Variants in MAX observed in about 807,000 individuals in gnomAD.
The protein encoded by MAX is MYC associated transcriptional regulator X, also known as protein max.
A neutral mutation model predicts 22.3 loss-of-function variants in MAX; 3 were observed. The ratio of observed to expected loss-of-function variants is 0.13; its 90% CI spans 0.06 to 0.35. The LOEUF (loss-of-function observed/expected upper bound fraction) is 0.35, where lower values mean the gene tolerates loss of function less well. Among genes scored for constraint, MAX ranks in the 10% least tolerant of loss-of-function variants. MAX has a pLI of 1.00. For missense variants in MAX, 119 were observed against 209.4 expected (o/e 0.57, Z 2.66); for synonymous variants, 72 against 77.7 (o/e 0.93, Z 0.39).
intron 3 of MAX, among the ~76,000 whole-genome samples, chr14:65,050,715 C>T (rs2062587719): frequency 6.6e-6 from 1 of 152,216 alleles, no homozygotes; most frequent in Admixed American, 6.5e-5. Flanking sequence ...TTGACAGCTC[C>T]TGCAGAGCAG....
At chr14:65,086,094 G>A (rs750272804) in intron 3 of MAX, among the ~76,000 whole-genome samples, 16 of 152,088 alleles carry the variant, frequency 1.1e-4, no homozygotes, top group African/African-American at 3.4e-4. Flanking sequence ...AGTTCTCTTC[G>A]CCTGCTGCCA....
rs2062433931 is a variant in MAX, at chr14:65,044,627, G to C, written c.172-38343C>G. 1.1e-6 allele frequency: 1 copy of C among 875,748 alleles called. No homozygotes were observed. The allele number at this position is 875,748 out of a possible 1,614,324, so 54.2% of individuals were successfully genotyped here. A position where few individuals can be genotyped will look rare whatever the true frequency, so the allele number is the denominator to read the frequency against. ...ATGCAGAGTAAGATTTAGTTTCATTGGTTTAGTGTCATTCTTTGCTTCTTC... is the reference window on the plus strand; with the variant it reads ...ATGCAGAGTAAGATTTAGTTTCATTCGTTTAGTGTCATTCTTTGCTTCTTC... On this transcript the variant is annotated intron_variant, in intron 3 of 3. Transcript: ENST00000341653. This position sits in a 1 kb window ranked among gnomAD's most constrained non-coding sequence, Gnocchi z 5.5.
chr14:65,073,087 G>A (rs1414360564), downstream of MAX, among the ~76,000 whole-genome samples: 2 of 152,168 alleles, frequency 1.3e-5, no homozygotes, highest in African/African-American at 2.4e-5. Flanking sequence ...TGGTCCTGAG[G>A]TCAAGCACAT....
chr14:65,032,047 C>G lies in MAX; in HGVS notation c.172-25763G>C, dbSNP rs1226651374. On this transcript the variant is annotated intron_variant, in intron 3 of 3. Coordinates refer to the MAX transcript ENST00000341653. This position sits in a 1 kb window ranked among gnomAD's most constrained non-coding sequence, Gnocchi z 5.0. The stretch of plus-strand genomic sequence containing the variant: ...TGGTGAGAGGTTTGAAATCAAGGCT[C>G]TTTTCTCCCTCTAGAGGTTTAAGGA... Among the ~76,000 whole-genome samples the G allele has an allele frequency of 2.0e-5, 3 of 150,118 alleles. No individual in the cohort carries two copies. Among genetic ancestry groups the G allele is most frequent in the African/African-American group, 7.5e-5 (3 of 40,180 alleles).
At chr14:65,053,609 A>G (rs1028772108) in intron 3 of MAX, among the ~76,000 whole-genome samples, 10 of 130,244 alleles carry the variant, frequency 7.7e-5, no homozygotes, top group African/African-American at 3.9e-4. Flanking sequence ...TGCTGGGTAG[A>G]TAACTCTTCT....
chr14:65,015,410 CTTTTTTTTTT>C (rs888923691), intron 3 of MAX: 3 of 155,206 alleles, frequency 1.9e-5, no homozygotes, highest in African/African-American at 3.1e-5. Flanking sequence ...GCCTTGTTAT[CTTTTTTTTTT>C]TTTTTTTTTT....
At chr14:65,021,235 C>T (rs574535403) in intron 3 of MAX, among the ~76,000 whole-genome samples, 6 of 152,300 alleles carry the variant, frequency 3.9e-5, no homozygotes, top group South Asian at 4.2e-4. Context: ...GGGAGACCAT[C>T]GCACTGTTAA....
Position 65,032,454 on chromosome 14 carries a change from C to T in MAX, c.172-26170G>A. ...TATCCAAATAGAATGTCACACCTCT[C>T]AGTTGGAGACCCAGGAGGACTGACC... On this transcript the variant is annotated intron_variant, in intron 3 of 3. Coordinates refer to the MAX transcript ENST00000341653. This position sits in a 1 kb window ranked among gnomAD's most constrained non-coding sequence, Gnocchi z 5.0. 1 of 613,282 alleles carries T rather than the reference C, an allele frequency of 1.6e-6. No individual in the cohort carries two copies. Among genetic ancestry groups the T allele is most frequent in the Non-Finnish European group, 2.7e-6 (1 of 377,042 alleles). The allele number at this position is 613,282 out of a possible 1,614,324, so 38.0% of individuals were successfully genotyped here.
chr14:65,018,848 C>T (rs1481978736), intron 3 of MAX, among the ~76,000 whole-genome samples: 1 of 149,734 alleles, frequency 6.7e-6, no homozygotes, highest in East Asian at 2.0e-4. Flanking sequence ...CGGTGGCTCA[C>T]ACCTGTAATC....
intron 3 of MAX, among the ~76,000 whole-genome samples, chr14:65,092,632 A>G (rs2063541771): frequency 6.6e-6 from 1 of 152,216 alleles, no homozygotes; most frequent in Non-Finnish European, 1.5e-5. Flanking sequence ...CCAGGTATGT[A>G]CATGGCCTGT....
intron 3 of MAX, among the ~76,000 whole-genome samples, chr14:65,065,324 T>G (rs1225180583): frequency 6.6e-6 from 1 of 152,180 alleles, no homozygotes; most frequent in African/African-American, 2.4e-5. Flanking sequence ...TTCAGTTATA[T>G]GAGACAATGT....
At position 65,076,371 on chromosome 14, in the gene MAX, A is replaced by C; in HGVS notation, c.*105T>G. The C allele has an allele frequency of 6.4e-7, 1 of 1,567,180 alleles. No homozygotes were observed. The highest frequency in any genetic ancestry group is 8.6e-7 in the Non-Finnish European group (1 of 1,158,410). ...TTAAAAAAAAAAGGGAGAAAGAGAA[A>C]AATAAAGAGTCTCTTAAATGGTTCT... On this transcript the variant is annotated 3_prime_UTR_variant, in exon 5 of 5. Coordinates refer to ENST00000358664, the MANE Select transcript of MAX (RefSeq NM_002382.5). The surrounding 1 kb of genome is among the most constrained non-coding windows in gnomAD (Gnocchi z 6.6).
Position 65,034,754 on chromosome 14 carries a change from A to T in MAX, c.172-28470T>A, listed in dbSNP as rs374308190. Among the ~76,000 whole-genome samples, 3 of 152,140 alleles carry T rather than the reference A, an allele frequency of 2.0e-5. No homozygotes were observed. In the East Asian group the frequency reaches 5.8e-4, roughly 29 times the overall value. ...AGTATGGAATTATAATGTCTGCTTT[A>T]AATTGCTTGTCTGGGAATTTCCACA... On this transcript the variant is annotated intron_variant, in intron 3 of 3. Coordinates refer to the MAX transcript ENST00000341653.
chr14:65,084,851 T>C lies in MAX; in HGVS notation c.172-6815A>G, dbSNP rs187576022. Among the ~76,000 whole-genome samples the C allele has an allele frequency of 2.0e-5, 3 of 152,354 alleles. No individual in the cohort carries two copies. In the East Asian group the frequency reaches 5.8e-4, roughly 29 times the overall value. ...GATAACACTATATTTCCTTGCTTGT[T>C]AGACTCCATCAATAAATCCATGGAT... On this transcript the variant is annotated intron_variant, in intron 3 of 4. Transcript: ENST00000358664. This position sits in a 1 kb window ranked among gnomAD's most constrained non-coding sequence, Gnocchi z 4.3.
chr14:65,013,144 T>C (rs1356898107), intron 3 of MAX, among the ~76,000 whole-genome samples: 1 of 152,124 alleles, frequency 6.6e-6, no homozygotes, highest in African/African-American at 2.4e-5. Flanking sequence ...CCACATTTGA[T>C]TATTTGTGGC....
intron 3 of MAX, chr14:65,040,974 T>G: frequency 3.8e-6 from 6 of 1,597,118 alleles, no homozygotes; most frequent in Non-Finnish European, 5.1e-6. Flanking sequence ...GTGATGTGAT[T>G]GTACTCAGAC....
In MAX at chr14:65,088,515, G is replaced by C. The variant is rs2063406008; in HGVS notation, c.171+5193C>G. On this transcript the variant is annotated intron_variant, in intron 3 of 4. Coordinates refer to ENST00000358664, the MANE Select transcript of MAX (RefSeq NM_002382.5). The surrounding 1 kb of genome is among the most constrained non-coding windows in gnomAD (Gnocchi z 5.2). ...ATGAGGAGAAGTGGATAGGGCTATAGTTTACATTTCATTTAAACGACAATC... is the reference window on the plus strand; with the variant it reads ...ATGAGGAGAAGTGGATAGGGCTATACTTTACATTTCATTTAAACGACAATC... 6.6e-6 allele frequency among the ~76,000 whole-genome samples: 1 copy of C among 152,164 alleles called. No homozygotes were observed. Among genetic ancestry groups the C allele is most frequent in the Non-Finnish European group, 1.5e-5 (1 of 68,028 alleles).
intron 3 of MAX, among the ~76,000 whole-genome samples, chr14:65,068,584 A>G (rs1046971356): frequency 3.3e-5 from 5 of 152,200 alleles, no homozygotes; most frequent in African/African-American, 1.2e-4. Context: ...TATACTTCAT[A>G]TTATGTTCCA....
downstream of MAX, among the ~76,000 whole-genome samples, chr14:65,071,894 T>TAGCCAAATA (rs1230347369): frequency 6.6e-6 from 1 of 152,220 alleles, no homozygotes; most frequent in Non-Finnish European, 1.5e-5. This position sits in a 1 kb window ranked among gnomAD's most constrained non-coding sequence, Gnocchi z 4.2. Flanking sequence ...AAGCCTGGCT[T>TAGCCAAATA]AGCCAAATTG....
Sources: allele counts gnomAD v4.1 joint callset (sites outside exome capture counted in the v4.1 genomes callset), GRCh38; gene constraint gnomAD v4.1.1; non-coding constraint Gnocchi (gnomAD v3.1); transcripts MANE v1.5; gene names NCBI Gene and HGNC (gene_info 2026-07-23, HGNC 2026-07-21).